Variants in CDH7 observed in about 807,000 individuals in gnomAD.
The protein encoded by CDH7 is cadherin-7.
Under a neutral mutation model 71.8 loss-of-function variants are expected in CDH7, and 25 were observed. The ratio of observed to expected loss-of-function variants is 0.35; its 90% CI spans 0.25 to 0.49. The LOEUF (loss-of-function observed/expected upper bound fraction) is 0.49, where lower values mean the gene tolerates loss of function less well. Ranked by LOEUF, CDH7 falls within the 20% of genes least tolerant of loss-of-function variation. The pLI is 0.99. For missense variants in CDH7, 862 were observed against 974.6 expected, an observed-to-expected ratio of 0.88 and a Z score of 1.54; for synonymous variants, 381 against 363.8, an observed-to-expected ratio of 1.05 and a Z score of -0.54.
intron 11 of CDH7, among the ~76,000 whole-genome samples, chr18:65,877,236 T>C (rs1914098120): frequency 6.6e-6 from 1 of 152,108 alleles, no homozygotes; most frequent in Admixed American, 6.6e-5. Context: ...TAAAGCAAAC[T>C]GCATAACACA....
chr18:65,868,709 T>A (rs1383917376), intron 11 of CDH7, among the ~76,000 whole-genome samples: 1 of 152,180 alleles, frequency 6.6e-6, no homozygotes, highest in African/African-American at 2.4e-5. Context: ...GAGGTTATAT[T>A]TCAGTACAAC....
chr18:65,846,291 A>G (rs551937681), intron 7 of CDH7, among the ~76,000 whole-genome samples: 5 of 152,198 alleles, frequency 3.3e-5, no homozygotes, highest in African/African-American at 9.6e-5. Context: ...GGTCTTTATC[A>G]GTGAAAGAGT....
At chr18:65,846,824 T>C (rs1029640589) in intron 7 of CDH7, among the ~76,000 whole-genome samples, 2 of 152,162 alleles carry the variant, frequency 1.3e-5, no homozygotes, top group Non-Finnish European at 2.9e-5. Flanking sequence ...TCTCTGATGA[T>C]TGAATAAGAG....
intron 7 of CDH7, among the ~76,000 whole-genome samples, 165 bp downstream of exon 7, chr18:65,844,230 A>G (rs1912857357): frequency 7.4e-6 from 1 of 135,300 alleles, no homozygotes; most frequent in African/African-American, 2.8e-5. Context: ...AGAAACATAC[A>G]TTTTACTAAC....
intron 2 of CDH7, among the ~76,000 whole-genome samples, chr18:65,806,734 A>C (rs569521617): frequency 6.6e-6 from 1 of 152,066 alleles, no homozygotes; most frequent in South Asian, 2.1e-4. Context: ...GTGATTTGCT[A>C]TTTCTACACT....
Position 65,880,474 on chromosome 18 carries a change from C to A in CDH7, c.1938C>A (p.Ile646=), listed in dbSNP as rs115462274. The change falls in exon 12 of 12, where the codon ATC becomes ATA. Residue 646 remains isoleucine (I), a synonymous_variant. Transcript: ENST00000397968. Reference sequence around the variant, plus strand: ...TTATTTTTGACGAAGAAAGAGACATCAGAGAAAATATTGTGAGATACGATG... The same window carrying A: ...TTATTTTTGACGAAGAAAGAGACATAAGAGAAAATATTGTGAGATACGATG... ...EPLIFDEERD[I]RENIVRYDDE... is the part of the protein sequence containing the mutation. 30 of 1,594,920 alleles carry A rather than the reference C, an allele frequency of 1.9e-5. No homozygotes were observed. In the African/African-American group the frequency reaches 3.7e-4, roughly 20 times the overall value.
intron 7 of CDH7, among the ~76,000 whole-genome samples, chr18:65,849,437 C>A (rs1485098455): frequency 1.8e-5 from 2 of 110,858 alleles, no homozygotes; most frequent in South Asian, 2.7e-4. Flanking sequence ...TCTTTTCTTT[C>A]CTTTTCTTTT....
chr18:65,789,458 G>A (rs2143853567), intron 2 of CDH7, among the ~76,000 whole-genome samples: 1 of 143,690 alleles, frequency 7.0e-6, no homozygotes, highest in African/African-American at 2.8e-5. Flanking sequence ...TTTAATACAT[G>A]TGCTATTTTT....
chr18:65,883,243 T>C lies in CDH7; in HGVS notation c.*2349T>C, dbSNP rs2144078802. On this transcript the variant is annotated 3_prime_UTR_variant, in exon 12 of 12. Transcript: ENST00000397968. ...GGTATTTTTTAATTAAAAAAATTAA[T>C]TTAAAAAATTAATTTTTGAGATGGC... is the stretch of plus-strand genomic sequence containing the variant. 6.6e-6 allele frequency: 1 copy of C among 152,174 alleles called. No individual in the cohort carries two copies. The highest frequency in any genetic ancestry group is 2.4e-5 in the African/African-American group (1 of 41,542). 9.4% of individuals were successfully genotyped at this position (152,174 alleles called of 1,614,324 possible). A position where few individuals can be genotyped will look rare whatever the true frequency, so the allele number is the denominator to read the frequency against.
At chr18:65,855,122 A>T (rs73536304) in intron 7 of CDH7, among the ~76,000 whole-genome samples, 9,697 of 152,026 alleles carry the variant, frequency 0.064, 372 homozygotes, top group Middle Eastern at 0.079. Flanking sequence ...AGTATCTCCA[A>T]ACCTGTGATG....
At chr18:65,761,860 T>C (rs1184468553) in intron 1 of CDH7, among the ~76,000 whole-genome samples, 1 of 152,200 alleles carries the variant, frequency 6.6e-6, no homozygotes, top group East Asian at 1.9e-4. Context: ...CAAATACAGC[T>C]GTTTTCTCAC....
At chr18:65,847,905 T>A (rs1452035322) in intron 7 of CDH7, among the ~76,000 whole-genome samples, 1 of 151,794 alleles carries the variant, frequency 6.6e-6, no homozygotes, top group Non-Finnish European at 1.5e-5. Flanking sequence ...ATACGTAAAC[T>A]AAAATTGCAG....
At chr18:65,753,609 G>C (rs558431402) in intron 1 of CDH7, among the ~76,000 whole-genome samples, 168 of 152,312 alleles carry the variant, frequency 1.1e-3, no homozygotes, top group African/African-American at 4.0e-3. Context: ...GAAGGAATCA[G>C]ATGCTACTTG....
intron 6 of CDH7, among the ~76,000 whole-genome samples, chr18:65,829,775 AGTGTGTGTGTGTGTGT>A (rs3061822): frequency 3.6e-5 from 5 of 138,202 alleles, no homozygotes; most frequent in East Asian, 4.4e-4. Context: ...CAAGGAAGGG[AGTGTGTGTGTGTGTGT>A]GTGTGTGTGT....
chr18:65,755,613 A>G (rs1006110826), intron 1 of CDH7, among the ~76,000 whole-genome samples: 8 of 152,142 alleles, frequency 5.3e-5, no homozygotes, highest in African/African-American at 4.8e-5. Flanking sequence ...CTAGTGTTGT[A>G]TTATGGCATC....
At position 65,885,207 on chromosome 18, in the gene CDH7, G is replaced by A. The variant is rs1404098322; in HGVS notation, c.*4313G>A. 1 of 151,818 alleles carries A rather than the reference G, an allele frequency of 6.6e-6. No homozygotes were observed. The highest frequency in any genetic ancestry group is 1.5e-5 in the Non-Finnish European group (1 of 67,958). The allele number at this position is 151,818 out of a possible 1,614,324, so 9.4% of individuals were successfully genotyped here. A position where few individuals can be genotyped will look rare whatever the true frequency, so the allele number is the denominator to read the frequency against. On this transcript the variant is annotated 3_prime_UTR_variant, in exon 12 of 12. Transcript: ENST00000397968. The stretch of plus-strand genomic sequence containing the variant: ...AGTGGGATAAGCCCTTAAGAAAAAT[G>A]GGAGATGTTTAAGGCTGTGATTTGG...
At chr18:65,779,278 G>A (rs1200771655) in intron 2 of CDH7, among the ~76,000 whole-genome samples, 1 of 55,542 alleles carries the variant, frequency 1.8e-5, no homozygotes, top group African/African-American at 9.4e-5. Flanking sequence ...TTTTTTTTCA[G>A]TCATTATTTG....
chr18:65,810,155 G>A (rs905935445), intron 3 of CDH7, among the ~76,000 whole-genome samples, 157 bp downstream of exon 3: 1 of 151,678 alleles, frequency 6.6e-6, no homozygotes, highest in Admixed American at 6.6e-5. Context: ...GAGACATGTT[G>A]GCAGCCAGTA....
At chr18:65,863,214 C>T in intron 11 of CDH7, 1 of 386,570 alleles carries the variant, frequency 2.6e-6, no homozygotes, top group Non-Finnish European at 4.8e-6. Context: ...ACTTTTGTAT[C>T]TTTAGTAGAG....
Sources: allele counts gnomAD v4.1 joint callset (sites outside exome capture counted in the v4.1 genomes callset), GRCh38; gene constraint gnomAD v4.1.1; transcripts MANE v1.5; gene names NCBI Gene and HGNC (gene_info 2026-07-23, HGNC 2026-07-21).